Variants in TBL1X observed in about 807,000 individuals in gnomAD.
The protein encoded by TBL1X is transducin beta like 1 X-linked.
A neutral mutation model predicts 50.7 loss-of-function variants in TBL1X; 10 were observed. The ratio of observed to expected loss-of-function variants is 0.20; its 90% CI spans 0.12 to 0.33. The LOEUF is 0.33. Ranked by LOEUF, TBL1X falls within the 10% of genes least tolerant of loss-of-function variation. The probability of loss-of-function intolerance (pLI) is 1.00; values close to 1 mark genes in which losing one functional copy is unlikely to be tolerated. For synonymous variants in TBL1X, 190 were observed against 214.7 expected, an observed-to-expected ratio of 0.88 and a Z score of 1.01; for missense variants, 340 against 504.4, an observed-to-expected ratio of 0.67 and a Z score of 3.12.
Position 9,691,717 on chromosome X carries a change from G to T in TBL1X, c.749+6G>T. ...AGTGATTTGCTAGCCTCCGGGTAAG[G>T]ATGTCAGGGTGGGGGGCGCTCCAGA... On this transcript the variant is annotated splice_donor_region_variant and intron_variant, in intron 8 of 17. Transcript: ENST00000645353. 1 of 1,180,952 alleles carries T rather than the reference G, an allele frequency of 8.5e-7. No homozygotes were observed.
intron 5 of TBL1X, among the ~76,000 whole-genome samples, chrX:9,658,277 TCTTA>T (rs1182156175): frequency 9.0e-5 from 10 of 111,498 alleles, no homozygotes; most frequent in African/African-American, 3.3e-4. Context: ...TTGGCCTCTG[TCTTA>T]CGGGATCCAT....
intron 2 of TBL1X, among the ~76,000 whole-genome samples, chrX:9,607,381 G>C (rs1275332888): frequency 8.9e-6 from 1 of 112,947 alleles, no homozygotes; most frequent in East Asian, 2.7e-4. Flanking sequence ...GCAGAAAGAA[G>C]TCCAGTGGGA....
At chrX:9,689,522 AAAG>A (rs2083084659) in intron 7 of TBL1X, among the ~76,000 whole-genome samples, 1 of 112,089 alleles carries the variant, frequency 8.9e-6, no homozygotes, top group Non-Finnish European at 1.9e-5. Flanking sequence ...TGGGGCAGGA[AAAG>A]AAGAGTCTGG....
At chrX:9,663,827 A>T (rs1421305700) in intron 5 of TBL1X, among the ~76,000 whole-genome samples, 1 of 110,485 alleles carries the variant, frequency 9.1e-6, no homozygotes, top group Non-Finnish European at 1.9e-5. Context: ...GACCTGCTTA[A>T]AGTGCTGAAA....
intron 2 of TBL1X, among the ~76,000 whole-genome samples, chrX:9,600,819 A>T (rs918443767): frequency 1.3e-4 from 15 of 111,720 alleles, no homozygotes; most frequent in African/African-American, 4.2e-4. Context: ...CAGTGTACAA[A>T]CCCTGTGTCA....
At chrX:9,465,524 C>T (rs1384671843) in intron 1 of TBL1X, 77 bp downstream of exon 1, 1 of 111,633 alleles carries the variant, frequency 9.0e-6, no homozygotes, top group African/African-American at 3.2e-5. Flanking sequence ...CGCTGACCCT[C>T]CAGGGTCCGG....
intron 2 of TBL1X, among the ~76,000 whole-genome samples, chrX:9,538,527 C>G (rs974405281): frequency 2.7e-5 from 3 of 112,434 alleles, no homozygotes; most frequent in Non-Finnish European, 3.8e-5. Context: ...TGCCCAGTCT[C>G]CCATCCTCTG....
chrX:9,548,615 C>T (rs1192910392), intron 2 of TBL1X, among the ~76,000 whole-genome samples: 1 of 112,170 alleles, frequency 8.9e-6, no homozygotes, highest in East Asian at 2.8e-4. Flanking sequence ...ACATGCAGGT[C>T]CGTTATTGAG....
intron 2 of TBL1X, among the ~76,000 whole-genome samples, chrX:9,604,523 CTT>C (rs1437387383): frequency 9.0e-6 from 1 of 110,976 alleles, no homozygotes; most frequent in African/African-American, 3.3e-5. Context: ...CAAGAGGTAA[CTT>C]CTCGTGTTTG....
intron 2 of TBL1X, among the ~76,000 whole-genome samples, chrX:9,638,121 A>C (rs1260846014): frequency 9.0e-6 from 1 of 111,351 alleles, no homozygotes; most frequent in East Asian, 2.8e-4. Context: ...CAGCTTAGAG[A>C]GCCCCTTCAA....
At chrX:9,528,699 G>A (rs1196111948) in intron 2 of TBL1X, among the ~76,000 whole-genome samples, 1 of 103,166 alleles carries the variant, frequency 9.7e-6, no homozygotes, top group Non-Finnish European at 2.0e-5. Flanking sequence ...CGGGGGGAGG[G>A]GGTGGGGTCA....
chrX:9,596,819 C>T (rs1473461533), intron 2 of TBL1X, among the ~76,000 whole-genome samples: 4 of 111,119 alleles, frequency 3.6e-5, no homozygotes, highest in Non-Finnish European at 7.5e-5. Flanking sequence ...TCCCCCAACA[C>T]GGTGCCCTGG....
chrX:9,654,435 AAGGTTCTTAGTGCTGATGGGG>A, intron 5 of TBL1X, 113 bp downstream of exon 5: 1 of 872,878 alleles, frequency 1.1e-6, no homozygotes, highest in Non-Finnish European at 1.7e-6. Flanking sequence ...AAGAGCTAAG[AAGGTTCTTAGTGCTGATGGGG>A]AGAAGAGAAG....
intron 7 of TBL1X, among the ~76,000 whole-genome samples, chrX:9,688,615 G>A (rs1232191454): frequency 8.9e-6 from 1 of 112,670 alleles, no homozygotes; most frequent in Admixed American, 9.3e-5. Flanking sequence ...CCATGTTGAG[G>A]GTTTTTGGCC....
Position 9,492,972 on chromosome X carries a change from C to T in TBL1X, c.-200-8808C>T, listed in dbSNP as rs191708761. Among the ~76,000 whole-genome samples, 22 of 106,531 alleles carry T rather than the reference C, an allele frequency of 2.1e-4. No homozygotes were observed. The Middle Eastern group carries it at 0.024, about 116-fold the overall frequency. The allele number at this position is 106,531 out of a possible 115,157, so 92.5% of individuals were successfully genotyped here. The stretch of plus-strand genomic sequence containing the variant: ...GACATGCTTTTGAGGACAAGCAATG[C>T]GATTTTGGCATTGGCTGGGTTTCTG... On this transcript the variant is annotated intron_variant, in intron 1 of 17. Coordinates refer to ENST00000645353, the MANE Select transcript of TBL1X (RefSeq NM_005647.4).
intron 1 of TBL1X, among the ~76,000 whole-genome samples, chrX:9,486,533 C>T (rs144542066): frequency 0.012 from 1,356 of 110,581 alleles, 24 homozygotes; most frequent in African/African-American, 0.043. Flanking sequence ...CAGGCCTTGC[C>T]GATAATAACT....
At chrX:9,521,451 A>G (rs955570315) in intron 2 of TBL1X, among the ~76,000 whole-genome samples, 1 of 111,747 alleles carries the variant, frequency 8.9e-6, no homozygotes, top group Non-Finnish European at 1.9e-5. Flanking sequence ...CCTTCCTCCC[A>G]TGACCCCTGC....
At chrX:9,510,309 G>A (rs867542091) in intron 2 of TBL1X, among the ~76,000 whole-genome samples, 1 of 112,326 alleles carries the variant, frequency 8.9e-6, no homozygotes, top group East Asian at 2.8e-4. Context: ...CCTGGGGTAA[G>A]TGGGATTTGG....
chrX:9,692,651 G>A (rs746124511), intron 9 of TBL1X, among the ~76,000 whole-genome samples: 3 of 112,657 alleles, frequency 2.7e-5, no homozygotes, highest in South Asian at 3.7e-4. Flanking sequence ...AATGTGATCC[G>A]CCTGCCTCAG....
Sources: gnomAD v4.1 joint callset for allele counts (sites outside exome capture counted in the v4.1 genomes callset) on GRCh38, gnomAD v4.1.1 for gene constraint, MANE v1.5 for transcripts, NCBI Gene and HGNC (gene_info 2026-07-23, HGNC 2026-07-21) for gene names.